FTO: variants seen among roughly 807,000 people sequenced by gnomAD.
The protein encoded by FTO is FTO alpha-ketoglutarate dependent dioxygenase, also known as alpha-ketoglutarate-dependent dioxygenase FTO.
In FTO, 47 loss-of-function variants were observed where a neutral mutation model predicts 63.9. That is an observed-to-expected ratio of 0.74 (90% CI 0.58 to 0.94). The LOEUF is 0.94. Ranked by LOEUF, FTO falls within the 40% of genes least tolerant of loss-of-function variation. The pLI is 0.00. For synonymous variants in FTO, 207 were observed against 224.4 expected, an observed-to-expected ratio of 0.92 and a Z score of 0.69; for missense variants, 562 against 618.1, an observed-to-expected ratio of 0.91 and a Z score of 0.96.
chr16:53,917,880 A>C (rs1169218628), intron 7 of FTO, among the ~76,000 whole-genome samples: 1 of 152,170 alleles, frequency 6.6e-6, no homozygotes, highest in Non-Finnish European at 1.5e-5. Flanking sequence ...ATCTAAGGAC[A>C]AGTACAGCAA....
Position 54,064,253 on chromosome 16 carries a change from C to T in FTO, c.1365-47509C>T, listed in dbSNP as rs574510731. On this transcript the variant is annotated intron_variant, in intron 8 of 8. Coordinates refer to ENST00000471389, the MANE Select transcript of FTO (RefSeq NM_001080432.3). Reference sequence around the variant, plus strand: ...TAAACATTTATTCTTTCTATGTAGGCAAGCCCTTGCAACCAGATATTTCTT... The same window carrying T: ...TAAACATTTATTCTTTCTATGTAGGTAAGCCCTTGCAACCAGATATTTCTT... 9.8e-5 allele frequency among the ~76,000 whole-genome samples: 15 copies of T among 152,316 alleles called. No homozygotes were observed. In the East Asian group the frequency reaches 2.9e-3, roughly 29 times the overall value.
intron 3 of FTO, among the ~76,000 whole-genome samples, chr16:53,827,707 C>T (rs779265697): frequency 6.6e-6 from 1 of 152,186 alleles, no homozygotes; most frequent in Non-Finnish European, 1.5e-5. Context: ...GGAAATTTCA[C>T]CACTTTCTCT....
At chr16:54,071,336 T>C (rs978438719) in intron 8 of FTO, 2 of 151,856 alleles carry the variant, frequency 1.3e-5, no homozygotes, top group Admixed American at 1.3e-4. Flanking sequence ...CTGTCAGGAG[T>C]GGGACCAAAA....
intron 1 of FTO, among the ~76,000 whole-genome samples, chr16:53,760,557 G>C (rs17525605): frequency 0.73 from 109,764 of 149,960 alleles, 41,247 homozygotes; most frequent in African/African-American, 0.91. Flanking sequence ...TAGGATTCAG[G>C]TTTTGCTGTT....
chr16:53,734,136 T>G (rs1299581494), intron 1 of FTO, among the ~76,000 whole-genome samples: 1 of 152,226 alleles, frequency 6.6e-6, no homozygotes, highest in African/African-American at 2.4e-5. Context: ...TTAAGGAAAT[T>G]CTCTGCCAGA....
intron 1 of FTO, among the ~76,000 whole-genome samples, chr16:53,724,425 A>G (rs2076106973): frequency 6.6e-6 from 1 of 152,160 alleles, no homozygotes; most frequent in East Asian, 1.9e-4. Context: ...GTAGACCAAC[A>G]CCTGTATATA....
At chr16:53,800,910 G>A (rs553669100) in intron 1 of FTO, among the ~76,000 whole-genome samples, 3 of 151,888 alleles carry the variant, frequency 2.0e-5, no homozygotes, top group Non-Finnish European at 4.4e-5. Flanking sequence ...CCATTTTAAA[G>A]TATACACTTA....
chr16:54,089,143 C>T (rs1272436404), intron 8 of FTO, among the ~76,000 whole-genome samples: 1 of 152,156 alleles, frequency 6.6e-6, no homozygotes, highest in Non-Finnish European at 1.5e-5. Flanking sequence ...AGTTAATTGC[C>T]TTTGGGTTAG....
intron 8 of FTO, among the ~76,000 whole-genome samples, chr16:54,025,234 G>A (rs2084686970): frequency 6.6e-6 from 1 of 152,198 alleles, no homozygotes; most frequent in African/African-American, 2.4e-5. Context: ...TTGGAGCACT[G>A]TTAATACTAG....
intron 8 of FTO, among the ~76,000 whole-genome samples, chr16:53,967,136 T>A (rs1183511441): frequency 6.6e-6 from 1 of 152,148 alleles, no homozygotes; most frequent in Non-Finnish European, 1.5e-5. Flanking sequence ...TTCTTTTTAT[T>A]TTCCCCTTTT....
intron 8 of FTO, among the ~76,000 whole-genome samples, chr16:54,016,704 G>T (rs1470249176): frequency 6.6e-6 from 1 of 152,168 alleles, no homozygotes; most frequent in African/African-American, 2.4e-5. Flanking sequence ...GAAGATATGA[G>T]GCTGATAGCC....
chr16:54,101,228 C>G (rs576298695), intron 8 of FTO, among the ~76,000 whole-genome samples: 1 of 151,952 alleles, frequency 6.6e-6, no homozygotes, highest in Non-Finnish European at 1.5e-5. Flanking sequence ...TTTCATCACC[C>G]GGTTATTAAG....
chr16:53,976,470 T>C (rs1373777770), intron 8 of FTO, among the ~76,000 whole-genome samples: 5 of 151,972 alleles, frequency 3.3e-5, no homozygotes, highest in African/African-American at 1.2e-4. Context: ...TTTTTTTGCC[T>C]AATTACCAAA....
chr16:53,955,552 G>A (rs1343463381), intron 8 of FTO, among the ~76,000 whole-genome samples: 2 of 152,104 alleles, frequency 1.3e-5, no homozygotes, highest in Non-Finnish European at 2.9e-5. Flanking sequence ...TTTTAGGGTT[G>A]GAGTAAAGAC....
chr16:54,097,324 G>A (rs1345850441), intron 8 of FTO, among the ~76,000 whole-genome samples: 1 of 147,110 alleles, frequency 6.8e-6, no homozygotes, highest in African/African-American at 2.5e-5. Context: ...CTCTTTTTTT[G>A]TTTTTTTTTT....
chr16:54,112,446 TTAACAGCC>T lies in FTO; in HGVS notation c.*533_*540del, dbSNP rs1198469786. The T allele has an allele frequency of 5.7e-6, 1 of 176,358 alleles. No homozygotes were observed. Among genetic ancestry groups the T allele is most frequent in the Non-Finnish European group, 1.2e-5 (1 of 82,190 alleles). 10.9% of individuals were successfully genotyped at this position (176,358 alleles called of 1,614,324 possible). ...GTCGCCCTGGCCACATTTCAAGTGC[TTAACAGCC>T]TCATGTGGCTAGTGACTGCTGTATT... is the stretch of plus-strand genomic sequence containing the variant. On this transcript the variant is annotated 3_prime_UTR_variant, in exon 9 of 9. Transcript: ENST00000471389.
In FTO at chr16:53,975,017, A is replaced by G. The variant is rs574750058; in HGVS notation, c.1364+40908A>G. On this transcript the variant is annotated intron_variant, in intron 8 of 8. Transcript: ENST00000471389. Reference sequence around the variant, plus strand: ...TTGAGTTGTTTGTGTATTTAATACTAGAGATTTGTTTTTATATGTATATAT... The same window carrying G: ...TTGAGTTGTTTGTGTATTTAATACTGGAGATTTGTTTTTATATGTATATAT... 2.6e-5 allele frequency among the ~76,000 whole-genome samples: 4 copies of G among 152,218 alleles called. No homozygotes were observed. The South Asian group carries it at 6.2e-4, about 24-fold the overall frequency.
rs531212110 is a variant in FTO, at chr16:54,113,074, T to C, written c.*1159T>C. ...TAAGGTGAACATTAAGTGAGATGAT[T>C]CTAGTTACAGACTTAGAACAATTTC... On this transcript the variant is annotated 3_prime_UTR_variant, in exon 9 of 9. Coordinates refer to ENST00000471389, the MANE Select transcript of FTO (RefSeq NM_001080432.3). 2 of 152,314 alleles carry C rather than the reference T, an allele frequency of 1.3e-5. No homozygotes were observed. The highest frequency in any genetic ancestry group is 4.2e-4 in the South Asian group (2 of 4,814). 9.4% of individuals were successfully genotyped at this position (152,314 alleles called of 1,614,324 possible).
At chr16:53,825,188 A>G (rs899485519) in intron 2 of FTO, among the ~76,000 whole-genome samples, 2 of 152,188 alleles carry the variant, frequency 1.3e-5, no homozygotes, top group African/African-American at 4.8e-5. Context: ...ATGGAACTTA[A>G]TGTCTAACTC....
Sources: allele counts gnomAD v4.1 joint callset (sites outside exome capture counted in the v4.1 genomes callset), GRCh38; gene constraint gnomAD v4.1.1; transcripts MANE v1.5; gene names NCBI Gene and HGNC (gene_info 2026-07-23, HGNC 2026-07-21).